The following MOK variants were observed in gnomAD, a reference collection of about 807,000 sequenced individuals.
The protein encoded by MOK is MOK protein kinase.
A neutral mutation model predicts 54.2 loss-of-function variants in MOK; 59 were observed. The ratio of observed to expected loss-of-function variants is 1.09; its 90% CI spans 0.88 to 1.35. The LOEUF (loss-of-function observed/expected upper bound fraction) is 1.35. Among genes scored for constraint, MOK ranks in the 40% most tolerant of loss-of-function variants. The pLI is 0.00. For synonymous variants in MOK, 210 were observed against 202.7 expected, an observed-to-expected ratio of 1.04 and a Z score of -0.31; for missense variants, 517 against 526.2, an observed-to-expected ratio of 0.98 and a Z score of 0.17.
At chr14:102,214,901 A>G in the MOK span, 2 of 984,730 alleles carry the variant, frequency 2.0e-6, no homozygotes, top group Non-Finnish European at 2.4e-6. Context: ...TTGCCTTGTC[A>G]CTGTCACAGC....
downstream of MOK, chr14:102,226,492 G>T (rs1371206021): frequency 2.9e-6 from 2 of 699,912 alleles, no homozygotes; most frequent in African/African-American, 3.5e-5. The surrounding 1 kb of genome is among the most constrained non-coding windows in gnomAD (Gnocchi z 4.8). Context: ...GAGCTTTCCA[G>T]TTTGGGGTGG....
chr14:102,290,766 T>C (rs2070688238), intron 1 of MOK, among the ~76,000 whole-genome samples: 1 of 151,974 alleles, frequency 6.6e-6, no homozygotes, highest in Non-Finnish European at 1.5e-5. Context: ...CAAAAGAGGG[T>C]TCCATAAGCA....
chr14:102,217,025 T>G, the MOK span, among the ~76,000 whole-genome samples: 1 of 152,216 alleles, frequency 6.6e-6, no homozygotes, highest in Admixed American at 6.5e-5. Context: ...ATGGACCATC[T>G]AGAGGCTCTC....
Position 102,302,991 on chromosome 14 carries a change from G to A in MOK, c.7+1971C>T, listed in dbSNP as rs140089613. Among the ~76,000 whole-genome samples, 564 of 151,386 alleles carry A rather than the reference G, an allele frequency of 3.7e-3. 2 individuals carry two copies. Among genetic ancestry groups the A allele is most frequent in the African/African-American group, 4.9e-3 (202 of 41,280 alleles). On this transcript the variant is annotated intron_variant, in intron 1 of 11. Coordinates refer to ENST00000361847, the MANE Select transcript of MOK (RefSeq NM_014226.3). ...AGCCTGGCCAACATGTTGAAACCCCGTCTCTACCAAAAAATACAAGTTAGC... is the reference window on the plus strand; with the variant it reads ...AGCCTGGCCAACATGTTGAAACCCCATCTCTACCAAAAAATACAAGTTAGC...
At chr14:102,280,515 C>T (rs948044393) in intron 2 of MOK, among the ~76,000 whole-genome samples, 2 of 152,140 alleles carry the variant, frequency 1.3e-5, no homozygotes, top group African/African-American at 4.8e-5. Flanking sequence ...CTGGGCCAAC[C>T]TGTGGGATGT....
At chr14:102,292,289 C>A (rs375151430) in intron 1 of MOK, among the ~76,000 whole-genome samples, 3 of 151,516 alleles carry the variant, frequency 2.0e-5, no homozygotes, top group African/African-American at 7.3e-5. Flanking sequence ...CTGGCTAACA[C>A]GGTGAAACCC....
chr14:102,298,707 G>A (rs2071750896), intron 1 of MOK, among the ~76,000 whole-genome samples: 1 of 152,190 alleles, frequency 6.6e-6, no homozygotes. Flanking sequence ...GCCAGCAGTG[G>A]CAACATGCTC....
At chr14:102,222,688 G>A, downstream of MOK, 3 of 790,212 alleles carry the variant, frequency 3.8e-6, no homozygotes, top group Non-Finnish European at 4.4e-6. This position sits in a 1 kb window ranked among gnomAD's most constrained non-coding sequence, Gnocchi z 4.4. Context: ...TTAAATAGAT[G>A]AAGTGGAGGG....
Position 102,232,649 on chromosome 14 carries a change from G to GT in MOK, c.751dup (p.Thr251AsnfsTer19). The GT allele has an allele frequency of 6.2e-7, 1 of 1,614,080 alleles. No individual in the cohort carries two copies. The highest frequency in any genetic ancestry group is 8.5e-7 in the Non-Finnish European group (1 of 1,179,958). ...GAGGCATTGTGGGGACAAATTGGTTGTTAGTAGAGGTATTCCTGATCCCTT... is the reference window on the plus strand; with the variant it reads ...GAGGCATTGTGGGGACAAATTGGTTGTTTAGTAGAGGTATTCCTGATCCCTT... On this transcript the variant is annotated frameshift_variant, in exon 9 of 12. Transcript: ENST00000361847. LOFTEE classifies it high-confidence loss of function. The surrounding 1 kb of genome is among the most constrained non-coding windows in gnomAD (Gnocchi z 5.1).
At chr14:102,257,890 T>C (rs963889100) in intron 4 of MOK, among the ~76,000 whole-genome samples, 47 of 151,726 alleles carry the variant, frequency 3.1e-4, no homozygotes, top group African/African-American at 1.1e-3. Context: ...GGCAGGAGAA[T>C]TGCTTGAATC....
Position 102,263,621 on chromosome 14 carries a change from A to G in MOK, c.213-5T>C, listed in dbSNP as rs374581413. 6.3e-7 allele frequency: 1 copy of G among 1,592,632 alleles called. No individual in the cohort carries two copies. The highest frequency in any genetic ancestry group is 1.4e-5 in the African/African-American group (1 of 73,938). ...AGAGAACCAGATTTTCTGTCACTGA[A>G]GAAGAAAGCAAGTTTTTAAAATAAA... On this transcript the variant is annotated splice_region_variant and splice_polypyrimidine_tract_variant and intron_variant, in intron 3 of 11. Coordinates refer to ENST00000361847, the MANE Select transcript of MOK (RefSeq NM_014226.3).
chr14:102,294,344 G>A (rs1319168814), intron 1 of MOK, among the ~76,000 whole-genome samples: 2 of 151,868 alleles, frequency 1.3e-5, no homozygotes, highest in African/African-American at 2.4e-5. Flanking sequence ...TACTCGGGAG[G>A]CTGAGGCAGG....
chr14:102,297,117 G>A (rs2071508288), intron 1 of MOK, among the ~76,000 whole-genome samples: 1 of 151,788 alleles, frequency 6.6e-6, no homozygotes. Context: ...CAGCACTTTG[G>A]GAGGCCAAGG....
Position 102,295,976 on chromosome 14 carries a change from T to C in MOK, c.7+8986A>G, listed in dbSNP as rs1268142274. Among the ~76,000 whole-genome samples the C allele has an allele frequency of 2.0e-5, 3 of 152,160 alleles. No individual in the cohort carries two copies. The East Asian group carries it at 5.8e-4, about 29-fold the overall frequency. ...CATAGCAACACCTGGCTAGGCATAG[T>C]GGCTCATGCCTGTAATCCCAGCACT... On this transcript the variant is annotated intron_variant, in intron 1 of 11. Coordinates refer to ENST00000361847, the MANE Select transcript of MOK (RefSeq NM_014226.3).
chr14:102,229,027 T>C lies in MOK; in HGVS notation c.*262A>G, dbSNP rs2064386034. 1 of 496,692 alleles carries C rather than the reference T, an allele frequency of 2.0e-6. No homozygotes were observed. The highest frequency in any genetic ancestry group is 3.8e-5 in the Admixed American group (1 of 26,208). 30.8% of individuals were successfully genotyped at this position (496,692 alleles called of 1,614,324 possible). The stretch of plus-strand genomic sequence containing the variant: ...GATTCATATACAAAGTTACAAAGTA[T>C]TTCCTGCCCCAAATTCTTAACGAAA... On this transcript the variant is annotated 3_prime_UTR_variant, in exon 12 of 12. Transcript: ENST00000361847.
At chr14:102,251,241 A>C (rs1385757607) in intron 6 of MOK, among the ~76,000 whole-genome samples, 2 of 152,228 alleles carry the variant, frequency 1.3e-5, no homozygotes, top group Non-Finnish European at 2.9e-5. Context: ...ACAGGTTTGG[A>C]AACTGGTTAA....
At chr14:102,250,409 T>C (rs1319224140) in intron 7 of MOK, among the ~76,000 whole-genome samples, 2 of 152,118 alleles carry the variant, frequency 1.3e-5, no homozygotes, top group African/African-American at 4.8e-5. Flanking sequence ...TGGGGCTTTC[T>C]AGAGTCCAAC....
At chr14:102,278,833 G>A (rs965970329) in intron 2 of MOK, 4 of 389,896 alleles carry the variant, frequency 1.0e-5, no homozygotes, top group African/African-American at 8.3e-5. Context: ...ATTATCTCAC[G>A]TCCATCTCCA....
At chr14:102,277,922 A>G (rs1296302451) in intron 2 of MOK, among the ~76,000 whole-genome samples, 1 of 152,224 alleles carries the variant, frequency 6.6e-6, no homozygotes, top group Non-Finnish European at 1.5e-5. Context: ...TCTAAAATTC[A>G]TACGTTGAAA....
Sources: allele counts gnomAD v4.1 joint callset (sites outside exome capture counted in the v4.1 genomes callset), GRCh38; gene constraint gnomAD v4.1.1; non-coding constraint Gnocchi (gnomAD v3.1); transcripts MANE v1.5; gene names NCBI Gene and HGNC (gene_info 2026-07-23, HGNC 2026-07-21).